The following NRXN3 variants were observed in gnomAD, a reference collection of about 807,000 sequenced individuals.
The protein encoded by NRXN3 is neurexin III.
In NRXN3, 32 loss-of-function variants were observed where a neutral mutation model predicts 137.6. The ratio of observed to expected loss-of-function variants is 0.23; its 90% CI spans 0.18 to 0.31. NRXN3 has a LOEUF of 0.31. Ranked by LOEUF, NRXN3 falls within the 10% of genes least tolerant of loss-of-function variation. The pLI, the probability that NRXN3 is intolerant of heterozygous loss-of-function variation, is 1.00. For synonymous variants in NRXN3, 798 were observed against 784.5 expected (o/e 1.02, Z -0.29); for missense variants, 1,574 against 2,062.5 (o/e 0.76, Z 4.59).
intron 4 of NRXN3, among the ~76,000 whole-genome samples, chr14:78,456,814 T>TTTCC: frequency 2.5e-5 from 3 of 119,150 alleles, no homozygotes; most frequent in Non-Finnish European, 5.7e-5. Flanking sequence ...TCTTTCTTTC[T>TTTCC]TTCTTTCTTT....
rs1284299314 is a variant in NRXN3 at position 79,130,205 on chromosome 14, A to G, written c.3262+142064A>G. On this transcript the variant is annotated intron_variant, in intron 15 of 20. Transcript: ENST00000335750. ...TTAAAGTTAATATTGTTATGTGTGA[A>G]TTTGATCCTGTCATTATGATGTTAG... 1.3e-4 allele frequency among the ~76,000 whole-genome samples: 20 copies of G among 150,714 alleles called. No homozygotes were observed. The South Asian group carries it at 4.2e-3, about 32-fold the overall frequency.
At chr14:79,327,174 C>T (rs1015607708) in intron 15 of NRXN3, among the ~76,000 whole-genome samples, 5 of 152,138 alleles carry the variant, frequency 3.3e-5, no homozygotes, top group African/African-American at 1.2e-4. Context: ...CCTTGATGTC[C>T]CTTGAAGGGC....
At chr14:79,549,982 G>GTTTA (rs1341994114) in intron 16 of NRXN3, among the ~76,000 whole-genome samples, 1 of 151,612 alleles carries the variant, frequency 6.6e-6, no homozygotes, top group Non-Finnish European at 1.5e-5. Context: ...TTGTTAGTTT[G>GTTTA]TTTGTTTGAC....
chr14:79,105,940 G>T (rs1223726067), intron 15 of NRXN3, among the ~76,000 whole-genome samples: 3 of 151,842 alleles, frequency 2.0e-5, no homozygotes, highest in Non-Finnish European at 4.4e-5. Context: ...CTACTTTTCT[G>T]ACTTTTCTTT....
intron 15 of NRXN3, among the ~76,000 whole-genome samples, chr14:79,436,254 C>T (rs1244849771): frequency 6.6e-6 from 1 of 152,110 alleles, no homozygotes; most frequent in Non-Finnish European, 1.5e-5. Context: ...TTGGTGTCTT[C>T]CTTGATAGTT....
intron 16 of NRXN3, among the ~76,000 whole-genome samples, chr14:79,616,639 C>T (rs1185994911): frequency 6.6e-6 from 1 of 152,090 alleles, no homozygotes; most frequent in Non-Finnish European, 1.5e-5. Context: ...ACCAAACCTG[C>T]ACATGTATCC....
At chr14:78,486,351 C>T (rs2095558695) in intron 4 of NRXN3, among the ~76,000 whole-genome samples, 1 of 152,158 alleles carries the variant, frequency 6.6e-6, no homozygotes, top group South Asian at 2.1e-4. Context: ...ACATGAGATG[C>T]CTCCTGTTCC....
chr14:79,244,222 G>A lies in NRXN3; in HGVS notation c.3263-222999G>A, dbSNP rs572076460. Among the ~76,000 whole-genome samples the A allele has an allele frequency of 5.3e-5, 8 of 152,224 alleles. No individual in the cohort carries two copies. In the East Asian group the frequency reaches 1.4e-3, roughly 26 times the overall value. On this transcript the variant is annotated intron_variant, in intron 15 of 20. Coordinates refer to ENST00000335750, the MANE Select transcript of NRXN3 (RefSeq NM_001330195.2). ...ATTGTTCTCTGCATACTCCTCCAAT[G>A]TGGTACTGTACTATGCAGATAAGCA...
intron 20 of NRXN3, among the ~76,000 whole-genome samples, chr14:79,852,870 CTA>C (rs142447642): frequency 1.5e-4 from 22 of 150,136 alleles, no homozygotes; most frequent in South Asian, 4.2e-4. Context: ...TTATATATAT[CTA>C]TATATATATA....
intron 19 of NRXN3, among the ~76,000 whole-genome samples, chr14:79,730,867 G>A (rs2098919607): frequency 6.6e-6 from 1 of 152,068 alleles, no homozygotes; most frequent in Non-Finnish European, 1.5e-5. Context: ...TAAATTATTT[G>A]GCCATAGGCA....
chr14:79,358,454 G>T (rs1194867236), intron 15 of NRXN3, among the ~76,000 whole-genome samples: 4 of 151,110 alleles, frequency 2.6e-5, no homozygotes, highest in Admixed American at 2.6e-4. Flanking sequence ...GGCGCCTGTA[G>T]TCCCAGCTGC....
chr14:79,739,176 T>G (rs1034443079), intron 19 of NRXN3, among the ~76,000 whole-genome samples: 3 of 152,184 alleles, frequency 2.0e-5, no homozygotes, highest in Admixed American at 2.0e-4. Flanking sequence ...CGTGGGTGTT[T>G]CAAGGGTATG....
chr14:79,155,120 C>G (rs552146389), intron 15 of NRXN3, among the ~76,000 whole-genome samples: 5 of 152,044 alleles, frequency 3.3e-5, no homozygotes, highest in African/African-American at 1.2e-4. Context: ...CCACATGGAG[C>G]ATCCCTTCTT....
chr14:79,828,618 CAAAAAAAA>C (rs60094990), intron 20 of NRXN3, among the ~76,000 whole-genome samples: 1 of 67,580 alleles, frequency 1.5e-5, no homozygotes, highest in African/African-American at 6.2e-5. Context: ...GACTCCATCT[CAAAAAAAA>C]AAAAAAAAAA....
intron 10 of NRXN3, among the ~76,000 whole-genome samples, chr14:78,871,367 A>C (rs1313004989): frequency 6.6e-6 from 1 of 151,964 alleles, no homozygotes; most frequent in East Asian, 1.9e-4. Flanking sequence ...TCTACTCTTC[A>C]ATGGGAAAAA....
At chr14:78,430,098 T>C (rs1458162919) in intron 4 of NRXN3, among the ~76,000 whole-genome samples, 2 of 152,086 alleles carry the variant, frequency 1.3e-5, no homozygotes, top group Non-Finnish European at 2.9e-5. Flanking sequence ...ATTAGCTGGG[T>C]ATGGTGTTGC....
chr14:79,721,544 A>G (rs1401342396), intron 19 of NRXN3, among the ~76,000 whole-genome samples: 1 of 152,310 alleles, frequency 6.6e-6, no homozygotes, highest in South Asian at 2.1e-4. Context: ...TAGGCCAGAC[A>G]GAATCTACGG....
chr14:78,854,578 G>T (rs2099051647), intron 10 of NRXN3, among the ~76,000 whole-genome samples: 1 of 152,066 alleles, frequency 6.6e-6, no homozygotes, highest in African/African-American at 2.4e-5. Context: ...TTATTTGCTT[G>T]CTAATTTGAT....
At chr14:78,488,751 A>AAGG (rs547129617) in intron 4 of NRXN3, among the ~76,000 whole-genome samples, 3 of 148,956 alleles carry the variant, frequency 2.0e-5, no homozygotes, top group East Asian at 4.1e-4. Context: ...AGGAGAAAGA[A>AAGG]AGGAGGAGGA....
Sources: gnomAD v4.1 joint callset for allele counts (sites outside exome capture counted in the v4.1 genomes callset) on GRCh38, gnomAD v4.1.1 for gene constraint, MANE v1.5 for transcripts, NCBI Gene and HGNC (gene_info 2026-07-23, HGNC 2026-07-21) for gene names.